FOXP2: variants seen among roughly 807,000 people sequenced by gnomAD.
FOXP2 encodes the protein forkhead box P2.
FOXP2 carries 12 observed loss-of-function variants against 115.8 expected under a neutral mutation model. The ratio of observed to expected loss-of-function variants is 0.10; its 90% CI spans 0.07 to 0.17. The LOEUF is 0.17. FOXP2 is among the 10% of genes least tolerant of loss of function. The probability of loss-of-function intolerance (pLI) is 1.00; values close to 1 mark genes in which losing one functional copy is unlikely to be tolerated. For missense variants in FOXP2, 629 were observed against 843.5 expected (o/e 0.75, Z 3.15); for synonymous variants, 328 against 297.7 (o/e 1.10, Z -1.05).
intron 3 of FOXP2, among the ~76,000 whole-genome samples, chr7:114,585,175 A>G (rs1188306626): frequency 6.6e-6 from 1 of 152,210 alleles, no homozygotes; most frequent in African/African-American, 2.4e-5. Context: ...GGAAATAGTG[A>G]GACATTAAGG....
rs185834413 is a variant in FOXP2, at chr7:114,362,068, G to A, written c.-10-64434G>A. Among the ~76,000 whole-genome samples, 516 of 152,078 alleles carry A rather than the reference G, an allele frequency of 3.4e-3. 2 individuals carry two copies. The highest frequency in any genetic ancestry group is 6.8e-3 in the Middle Eastern group (2 of 294). On this transcript the variant is annotated intron_variant, in intron 2 of 17. Coordinates refer to the FOXP2 transcript ENST00000634411. ...ACAATGTTGATATGATGAAACTATGGTGGCCAGGGAGGGGGTAAGGAGTGG... is the reference window on the plus strand; with the variant it reads ...ACAATGTTGATATGATGAAACTATGATGGCCAGGGAGGGGGTAAGGAGTGG...
At chr7:114,208,294 T>G (rs1412598457) in intron 1 of FOXP2, among the ~76,000 whole-genome samples, 1 of 152,192 alleles carries the variant, frequency 6.6e-6, no homozygotes, top group African/African-American at 2.4e-5. Flanking sequence ...TACTGGATTT[T>G]GGACTTGCAT....
intron 1 of FOXP2, among the ~76,000 whole-genome samples, chr7:114,234,790 T>G (rs138336251): frequency 6.6e-6 from 1 of 152,312 alleles, no homozygotes; most frequent in African/African-American, 2.4e-5. Context: ...ATGGTCATAT[T>G]GATCTTTTTT....
At chr7:114,124,766 C>T (rs1162398700) in intron 1 of FOXP2, among the ~76,000 whole-genome samples, 1 of 151,918 alleles carries the variant, frequency 6.6e-6, no homozygotes, top group African/African-American at 2.4e-5. Context: ...CTGTTTTCTC[C>T]ACCTTACCCC....
chr7:114,197,567 G>T (rs998477405), intron 1 of FOXP2, among the ~76,000 whole-genome samples: 3 of 152,108 alleles, frequency 2.0e-5, no homozygotes, highest in African/African-American at 7.2e-5. Flanking sequence ...GGGAGTTAAG[G>T]TTTCAACTTG....
At chr7:114,439,871 G>A (rs2129211765) in intron 2 of FOXP2, among the ~76,000 whole-genome samples, 1 of 152,210 alleles carries the variant, frequency 6.6e-6, no homozygotes, top group African/African-American at 2.4e-5. Flanking sequence ...ACCACACCTG[G>A]CCTACATTAT....
intron 3 of FOXP2, among the ~76,000 whole-genome samples, chr7:114,613,075 GT>G (rs1279338169): frequency 1.3e-5 from 2 of 152,150 alleles, no homozygotes; most frequent in African/African-American, 4.8e-5. Context: ...TATTTTGCAT[GT>G]GATTGACTCT....
intron 1 of FOXP2, among the ~76,000 whole-genome samples, chr7:114,138,998 T>C (rs1178832806): frequency 6.6e-6 from 1 of 152,140 alleles, no homozygotes; most frequent in Non-Finnish European, 1.5e-5. Flanking sequence ...ATGGCTAACA[T>C]TGGGTATATG....
intron 1 of FOXP2, among the ~76,000 whole-genome samples, chr7:114,125,242 T>A (rs1007522798): frequency 1.3e-5 from 2 of 152,164 alleles, no homozygotes; most frequent in East Asian, 3.8e-4. Flanking sequence ...AGTGGATGAA[T>A]GAATGAATGA....
intron 1 of FOXP2, among the ~76,000 whole-genome samples, chr7:114,106,635 T>A (rs923188647): frequency 7.2e-5 from 11 of 152,004 alleles, no homozygotes; most frequent in African/African-American, 2.4e-4. Flanking sequence ...TCTGACTTTG[T>A]GAATGTGTTT....
rs1355795950 is a variant in FOXP2, at chr7:114,658,285, A to C, written c.1468+18A>C. On this transcript the variant is annotated intron_variant, in intron 11 of 16. Transcript: ENST00000350908. Reference sequence around the variant, plus strand: ...GTCATCAGGTAGGATATGAATGCTCAGTAGAGCACTTTTACTTTGGGAGAG... The same window carrying C: ...GTCATCAGGTAGGATATGAATGCTCCGTAGAGCACTTTTACTTTGGGAGAG... 3 of 1,612,004 alleles carry C rather than the reference A, an allele frequency of 1.9e-6. No individual in the cohort carries two copies. Among genetic ancestry groups the C allele is most frequent in the East Asian group, 2.2e-5 (1 of 44,768 alleles).
chr7:114,661,975 G>T, intron 13 of FOXP2, 90 bp from the exon 14 acceptor site: 1 of 1,512,200 alleles, frequency 6.6e-7, no homozygotes, highest in South Asian at 1.2e-5. Context: ...TTTTCACTCT[G>T]ATTAAGTAAG....
At chr7:114,212,075 TAAATAAAATAAAATAAAATAAAATA>T (rs10607299) in intron 1 of FOXP2, among the ~76,000 whole-genome samples, 16 of 134,650 alleles carry the variant, frequency 1.2e-4, no homozygotes, top group African/African-American at 1.6e-4. Context: ...GTTTCAAAAA[TAAATAAAATAAAATAAAATAAAATA>T]AAATAAAATA....
chr7:114,586,413 A>G (rs994072752), intron 3 of FOXP2, among the ~76,000 whole-genome samples: 2 of 152,064 alleles, frequency 1.3e-5, no homozygotes, highest in Non-Finnish European at 2.9e-5. Flanking sequence ...TGTTTTAGTA[A>G]TTTTACTCTT....
intron 14 of FOXP2, among the ~76,000 whole-genome samples, chr7:114,662,613 A>T (rs1806931828): frequency 4.6e-5 from 7 of 152,036 alleles, no homozygotes; most frequent in Admixed American, 3.9e-4. Context: ...AAGACTTTAT[A>T]AAAAAATAAG....
At chr7:114,303,294 A>C (rs901250938) in intron 2 of FOXP2, among the ~76,000 whole-genome samples, 1 of 152,216 alleles carries the variant, frequency 6.6e-6, no homozygotes, top group African/African-American at 2.4e-5. Flanking sequence ...AATCCTACAC[A>C]TACAAAAAAA....
chr7:114,497,261 G>T (rs929647043), intron 2 of FOXP2, among the ~76,000 whole-genome samples: 1 of 152,112 alleles, frequency 6.6e-6, no homozygotes, highest in African/African-American at 2.4e-5. Context: ...TTCCTATTGT[G>T]TTTACATTTT....
At chr7:114,497,664 AG>A in intron 2 of FOXP2, among the ~76,000 whole-genome samples, 1 of 117,922 alleles carries the variant, frequency 8.5e-6, no homozygotes, top group Non-Finnish European at 1.8e-5. Context: ...AAAATAAATA[AG>A]TAAATAAATA....
In FOXP2 at chr7:114,530,647, G is replaced by GA. The variant is rs768656961; in HGVS notation, c.169-3964dup. On this transcript the variant is annotated intron_variant, in intron 2 of 16. Coordinates refer to ENST00000350908, the MANE Select transcript of FOXP2 (RefSeq NM_014491.4). ...TGAAAGTTTTCAGTGTTCTTCAGTG[G>GA]AAAAAAGTATTTATCTGGCAGGTTA... Among the ~76,000 whole-genome samples the GA allele has an allele frequency of 2.6e-5, 4 of 151,840 alleles. 1 individual carries two copies. In the East Asian group the frequency reaches 5.8e-4, roughly 22 times the overall value.
Sources: allele counts gnomAD v4.1 joint callset (sites outside exome capture counted in the v4.1 genomes callset), GRCh38; gene constraint gnomAD v4.1.1; transcripts MANE v1.5; gene names NCBI Gene and HGNC (gene_info 2026-07-23, HGNC 2026-07-21).